Variants in RADIL observed in about 807,000 individuals in gnomAD.
RADIL encodes Rap associating with DIL domain.
In RADIL, 99 loss-of-function variants were observed where a neutral mutation model predicts 97.6. The ratio of observed to expected loss-of-function variants is 1.01; its 90% CI spans 0.86 to 1.20. The LOEUF (loss-of-function observed/expected upper bound fraction) is 1.20, where lower values mean the gene tolerates loss of function less well. Ranked by LOEUF, RADIL falls within the 50% of genes most tolerant of loss-of-function variation. The pLI, the probability that RADIL is intolerant of heterozygous loss-of-function variation, is 0.00. For synonymous variants in RADIL, 803 were observed against 691.8 expected (o/e 1.16, Z -2.52); for missense variants, 1,765 against 1,498.9 (o/e 1.18, Z -2.93).
At chr7:4,859,890 A>C (rs1427625318) in intron 2 of RADIL, 6 of 1,558,026 alleles carry the variant, frequency 3.9e-6, no homozygotes, top group Non-Finnish European at 5.3e-6. Context: ...TATCCTCTAG[A>C]CTCCAACTAT....
chr7:4,848,691 AC>A (rs924615673), intron 2 of RADIL, among the ~76,000 whole-genome samples: 1 of 152,220 alleles, frequency 6.6e-6, no homozygotes, highest in Non-Finnish European at 1.5e-5. Flanking sequence ...TTAAAAAAAA[AC>A]ATGGCTCTAT....
chr7:4,806,281 C>T (rs1782305983), intron 9 of RADIL, among the ~76,000 whole-genome samples: 1 of 152,178 alleles, frequency 6.6e-6, no homozygotes, highest in Non-Finnish European at 1.5e-5. Flanking sequence ...TCCTGAGTAG[C>T]TGGGACCACA....
rs117916176 is a variant in RADIL at position 4,816,589 on chromosome 7, C to T, written c.1729-124G>A. On this transcript the variant is annotated intron_variant, in intron 7 of 14. Coordinates refer to ENST00000399583, the MANE Select transcript of RADIL (RefSeq NM_018059.5). ...TGCAGGGACCCGGCCTCGGTAGCTT[C>T]CTGCTGGACAGGCCATGGCTTTGCA... 4,890 of 744,202 alleles carry T rather than the reference C, an allele frequency of 6.6e-3. 26 individuals are homozygous for T. Among genetic ancestry groups the T allele is most frequent in the Non-Finnish European group, 8.0e-3 (3,536 of 444,508 alleles). 46.1% of individuals were successfully genotyped at this position (744,202 alleles called of 1,614,324 possible).
At chr7:4,870,846 C>T (rs563357492) in intron 2 of RADIL, among the ~76,000 whole-genome samples, 8 of 152,306 alleles carry the variant, frequency 5.3e-5, no homozygotes, top group African/African-American at 1.9e-4. Context: ...CGTAGCTGGA[C>T]GTCACCCGAG....
At position 4,854,593 on chromosome 7, in the gene RADIL, C is replaced by G. The variant is rs1783783755; in HGVS notation, c.536-17988G>C. 6.6e-6 allele frequency among the ~76,000 whole-genome samples: 1 copy of G among 152,116 alleles called. No homozygotes were observed. The highest frequency in any genetic ancestry group is 2.1e-4 in the South Asian group (1 of 4,816). ...CCTGTAATCCCAGCTACTCGGAAGA[C>G]TGAGACAGGAGAATTACTTGAACCC... On this transcript the variant is annotated intron_variant, in intron 2 of 14. Transcript: ENST00000399583. The surrounding 1 kb of genome is among the most constrained non-coding windows in gnomAD (Gnocchi z 5.1).
chr7:4,831,508 C>G (rs1245479189), intron 5 of RADIL, among the ~76,000 whole-genome samples: 2 of 149,960 alleles, frequency 1.3e-5, no homozygotes, highest in African/African-American at 4.9e-5. Flanking sequence ...TGTAACAAAG[C>G]TGCACTCGTA....
chr7:4,803,648 G>C lies in RADIL; in HGVS notation c.2397C>G (p.His799Gln). 1.9e-6 allele frequency: 3 copies of C among 1,550,694 alleles called. No individual in the cohort carries two copies. The highest frequency in any genetic ancestry group is 2.6e-6 in the Non-Finnish European group (3 of 1,147,326). ...ACAGAAAGTGGCGGACGTAGAGCAGGTGCTGGTAGATGCTGTCGTCCAGGC... is the reference window on the plus strand; with the variant it reads ...ACAGAAAGTGGCGGACGTAGAGCAGCTGCTGGTAGATGCTGTCGTCCAGGC... ...ANCLDDSIYQ[H>Q]LLYVRHFLWG... is the part of the protein sequence containing the mutation. The change falls in exon 11 of 15, where the codon CAC (histidine) becomes CAG (glutamine). Residue 799 changes from histidine (H) to glutamine (Q), a missense_variant. Physicochemically the swap from His to Gln is conservative, Grantham distance 24. Coordinates refer to ENST00000399583, the MANE Select transcript of RADIL (RefSeq NM_018059.5).
rs923586993 is a variant in RADIL at position 4,813,218 on chromosome 7, A to G, written c.2139+2060T>C. 1.3e-5 allele frequency among the ~76,000 whole-genome samples: 2 copies of G among 151,604 alleles called. No homozygotes were observed. Among genetic ancestry groups the G allele is most frequent in the Admixed American group, 6.6e-5 (1 of 15,206 alleles). ...AGCGTTTAATTCCTGGACTCAAATG[A>G]TCCTCCTACCTCAACCTCCCAAGTA... On this transcript the variant is annotated intron_variant, in intron 9 of 14. Coordinates refer to ENST00000399583, the MANE Select transcript of RADIL (RefSeq NM_018059.5). This position sits in a 1 kb window ranked among gnomAD's most constrained non-coding sequence, Gnocchi z 5.0.
rs924229949 is a variant in RADIL, at chr7:4,872,116, C to T, written c.535+5489G>A. ...GTGGATCAGGCCTGAGGGCCTGGGG[C>T]AGGTACTCAGCCATATGGTCCCAGT... On this transcript the variant is annotated intron_variant, in intron 2 of 14. Coordinates refer to ENST00000399583, the MANE Select transcript of RADIL (RefSeq NM_018059.5). This position sits in a 1 kb window ranked among gnomAD's most constrained non-coding sequence, Gnocchi z 5.8. 2.0e-5 allele frequency among the ~76,000 whole-genome samples: 3 copies of T among 152,052 alleles called. No homozygotes were observed. Among genetic ancestry groups the T allele is most frequent in the Admixed American group, 6.5e-5 (1 of 15,272 alleles).
rs56349942 is a variant in RADIL at position 4,813,074 on chromosome 7, T to C, written c.2139+2204A>G. 1.9e-3 allele frequency among the ~76,000 whole-genome samples: 282 copies of C among 147,748 alleles called. No individual in the cohort carries two copies. The highest frequency in any genetic ancestry group is 0.01 in the Middle Eastern group (3 of 288). ...TTCATCCTTACCCCAAGGTTCTTCT[T>C]TCTCTCTCTCTCTCTCTCTCTCTCT... On this transcript the variant is annotated intron_variant, in intron 9 of 14. Coordinates refer to ENST00000399583, the MANE Select transcript of RADIL (RefSeq NM_018059.5). The surrounding 1 kb of genome is among the most constrained non-coding windows in gnomAD (Gnocchi z 5.0).
At chr7:4,833,643 T>C (rs1382362150) in intron 4 of RADIL, among the ~76,000 whole-genome samples, 1 of 152,150 alleles carries the variant, frequency 6.6e-6, no homozygotes, top group East Asian at 1.9e-4. Context: ...AGTGATAAGG[T>C]TTCTACACAG....
chr7:4,801,610 G>C, intron 12 of RADIL, 43 bp downstream of exon 12: 1 of 1,544,112 alleles, frequency 6.5e-7, no homozygotes, highest in East Asian at 2.4e-5. Flanking sequence ...GTGCTGTGCG[G>C]GGTCTGGGGT....
chr7:4,800,948 C>T (rs1015947321), intron 12 of RADIL, among the ~76,000 whole-genome samples: 18 of 152,354 alleles, frequency 1.2e-4, no homozygotes, highest in African/African-American at 3.8e-4. Context: ...AAGCCCCTCA[C>T]AGGAGGCCAG....
intron 9 of RADIL, among the ~76,000 whole-genome samples, chr7:4,807,385 C>T (rs1166427479): frequency 6.6e-6 from 1 of 152,044 alleles, no homozygotes; most frequent in African/African-American, 2.4e-5. Flanking sequence ...AGAACCTTCT[C>T]TACTCTCACT....
In RADIL at chr7:4,835,089, C is replaced by T. The variant is rs746063859; in HGVS notation, c.934G>A (p.Ala312Thr). Residue 312 changes from alanine (A) to threonine (T), a missense_variant, in exon 4 of 15, where the codon GCG (alanine) becomes ACG (threonine). By Grantham distance (58) the Ala-to-Thr change is moderately conservative. Transcript: ENST00000399583. The surrounding 1 kb of genome is among the most constrained non-coding windows in gnomAD (Gnocchi z 5.8). ...ATGGGCTCCAGGACCAGCCTCCCCG[C>T]GGCCTGGCCGCTGTCCGGGAGCGGT... ...RQPLPDSGQA[A>T]GRLVLEPIPG... 6 of 1,607,710 alleles carry T rather than the reference C, an allele frequency of 3.7e-6. No homozygotes were observed. Among genetic ancestry groups the T allele is most frequent in the East Asian group, 2.2e-5 (1 of 44,628 alleles).
Position 4,854,020 on chromosome 7 carries a change from T to G in RADIL, c.536-17415A>C, listed in dbSNP as rs74565174. 0.13 allele frequency among the ~76,000 whole-genome samples: 20,063 copies of G among 152,234 alleles called. 1,541 individuals carry two copies. Among genetic ancestry groups the G allele is most frequent in the African/African-American group, 0.21 (8,591 of 41,512 alleles). On this transcript the variant is annotated intron_variant, in intron 2 of 14. Transcript: ENST00000399583. This position sits in a 1 kb window ranked among gnomAD's most constrained non-coding sequence, Gnocchi z 5.1. ...GAGGGGATGCCGCTGTTGGGACTTC[T>G]CCGAAAGCTCCATAGGTGGGCAGTT...
intron 2 of RADIL, among the ~76,000 whole-genome samples, chr7:4,857,491 AT>A (rs1783861917): frequency 6.6e-6 from 1 of 152,064 alleles, no homozygotes; most frequent in Admixed American, 6.5e-5. Context: ...TTTTTACTCT[AT>A]TTTTTTGTAT....
chr7:4,801,835 C>G lies in RADIL; in HGVS notation c.2660G>C (p.Arg887Pro). 1 of 1,603,848 alleles carries G rather than the reference C, an allele frequency of 6.2e-7. No homozygotes were observed. The highest frequency in any genetic ancestry group is 8.5e-7 in the Non-Finnish European group (1 of 1,175,998). The change falls in exon 12 of 15, where the codon CGT (arginine) becomes CCT (proline). Residue 887 changes from arginine to proline, a missense_variant. Arg to Pro is a moderately radical substitution (Grantham distance 103, BLOSUM62 -2). Transcript: ENST00000399583. ...AQAPPGRQPS[R>P]GGSQAGPPHT... ...CGGGGGGCCAGCCTGGGAGCCCCCA[C>G]GGCTGGGTTGCCTTCCAGGGGGGGC...
Position 4,836,505 on chromosome 7 carries a change from G to A in RADIL, c.636C>T (p.Arg212=), listed in dbSNP as rs774439147. 2 of 1,607,196 alleles carry A rather than the reference G, an allele frequency of 1.2e-6. No individual in the cohort carries two copies. Among genetic ancestry groups the A allele is most frequent in the South Asian group, 1.1e-5 (1 of 90,744 alleles). Residue 212 remains arginine, a synonymous_variant, in exon 3 of 15, where the codon CGC becomes CGT. Coordinates refer to ENST00000399583, the MANE Select transcript of RADIL (RefSeq NM_018059.5). ...DARSSPPPRL[R]RTVSETSLSP... is the part of the protein sequence containing the mutation. ...TCAGGCTGGTCTCACTGACTGTGCG[G>A]CGCAACCGGGGTGGAGGAGAGCTCC...
Sources: gnomAD v4.1 joint callset for allele counts (sites outside exome capture counted in the v4.1 genomes callset) on GRCh38, gnomAD v4.1.1 for gene constraint, Gnocchi (gnomAD v3.1) non-coding constraint, MANE v1.5 for transcripts, NCBI Gene and HGNC (gene_info 2026-07-23, HGNC 2026-07-21) for gene names.